The following TTC27 variants were observed in gnomAD, a reference collection of about 807,000 sequenced individuals.
TTC27 encodes the protein tetratricopeptide repeat domain 27, also known as tetratricopeptide repeat protein 27.
A neutral mutation model predicts 115.9 loss-of-function variants in TTC27; 79 were observed. The observed-to-expected ratio is 0.68, with a 90% CI of 0.57 to 0.82. The LOEUF is 0.82. Ranked by LOEUF, TTC27 falls within the 40% of genes least tolerant of loss-of-function variation. The pLI, the probability that TTC27 is intolerant of heterozygous loss-of-function variation, is 0.00. For synonymous variants in TTC27, 401 were observed against 356.0 expected, an observed-to-expected ratio of 1.13 and a Z score of -1.42; for missense variants, 1,054 against 993.1, an observed-to-expected ratio of 1.06 and a Z score of -0.82.
At chr2:32,686,872 T>C (rs191069413) in intron 9 of TTC27, among the ~76,000 whole-genome samples, 1 of 151,950 alleles carries the variant, frequency 6.6e-6, no homozygotes, top group Admixed American at 6.6e-5. Context: ...TGAGATGGAG[T>C]CTCACTCTGT....
intron 16 of TTC27, among the ~76,000 whole-genome samples, chr2:32,800,471 G>A (rs1670884572): frequency 6.6e-6 from 1 of 151,450 alleles, no homozygotes; most frequent in Non-Finnish European, 1.5e-5. Flanking sequence ...GTGAGCCACT[G>A]CACCTGATCC....
chr2:32,677,742 C>A (rs577799932), intron 8 of TTC27, among the ~76,000 whole-genome samples: 5 of 152,134 alleles, frequency 3.3e-5, no homozygotes, highest in Admixed American at 2.6e-4. Flanking sequence ...CATGAGCCAC[C>A]GTGCCCGGCC....
At chr2:32,659,188 A>G (rs1665441120) in intron 5 of TTC27, among the ~76,000 whole-genome samples, 1 of 151,354 alleles carries the variant, frequency 6.6e-6, no homozygotes, top group African/African-American at 2.4e-5. Flanking sequence ...CTTGTCTTGA[A>G]CTCCTGGCTT....
chr2:32,628,182 C>G lies in TTC27; in HGVS notation c.-111C>G, dbSNP rs2063523626. On this transcript the variant is annotated 5_prime_UTR_variant, in exon 1 of 20. Coordinates refer to ENST00000317907, the MANE Select transcript of TTC27 (RefSeq NM_017735.5). ...AGGGCCGCAGGTGTATTTACGGTAA[C>G]TGTCGCCACTAGATTTCAGCGCCTT... 2.1e-6 allele frequency: 2 copies of G among 973,012 alleles called. No homozygotes were observed. Among genetic ancestry groups the G allele is most frequent in the Non-Finnish European group, 3.2e-6 (2 of 634,626 alleles). The allele number at this position is 973,012 out of a possible 1,614,324, so 60.3% of individuals were successfully genotyped here.
At chr2:32,669,742 C>G (rs562001390) in intron 7 of TTC27, among the ~76,000 whole-genome samples, 1 of 151,582 alleles carries the variant, frequency 6.6e-6, no homozygotes, top group African/African-American at 2.4e-5. Context: ...AAAGATTATC[C>G]GGGCGTGGTG....
intron 9 of TTC27, among the ~76,000 whole-genome samples, chr2:32,695,980 G>C (rs115288822): frequency 1.1e-3 from 166 of 150,678 alleles, no homozygotes; most frequent in African/African-American, 3.8e-3. Context: ...AAAATTAGCC[G>C]GTCGTGGTGG....
rs572308758 is a variant in TTC27 at position 32,707,257 on chromosome 2, G to C, written c.1233+4337G>C. Among the ~76,000 whole-genome samples, 10 of 152,336 alleles carry C rather than the reference G, an allele frequency of 6.6e-5. No homozygotes were observed. In the South Asian group the frequency reaches 2.1e-3, roughly 32 times the overall value. ...GGGACTTGGGAAGCCCAAGAGCATG[G>C]TGTCAGGATGTGATGAGGGTCATCC... On this transcript the variant is annotated intron_variant, in intron 10 of 19. Transcript: ENST00000317907.
At chr2:32,732,960 T>C (rs537463847) in intron 10 of TTC27, among the ~76,000 whole-genome samples, 6 of 152,214 alleles carry the variant, frequency 3.9e-5, no homozygotes, top group Non-Finnish European at 8.8e-5. Context: ...GAAAAATATG[T>C]ACACTTAATG....
At chr2:32,648,848 C>CA (rs1297584320) in intron 4 of TTC27, among the ~76,000 whole-genome samples, 1 of 151,530 alleles carries the variant, frequency 6.6e-6, no homozygotes, top group African/African-American at 2.4e-5. Flanking sequence ...CCATCTCTAC[C>CA]AAAAAATACA....
chr2:32,780,224 T>G, intron 14 of TTC27: 2 of 335,490 alleles, frequency 6.0e-6, no homozygotes, highest in South Asian at 4.9e-5. Flanking sequence ...AGACCTTATA[T>G]TGAATCTGCA....
chr2:32,801,144 G>T (rs1219156807), intron 16 of TTC27, among the ~76,000 whole-genome samples: 2 of 152,194 alleles, frequency 1.3e-5, no homozygotes, highest in Non-Finnish European at 2.9e-5. Context: ...GCCCTCGGAA[G>T]AGTTTTTCTC....
chr2:32,778,651 G>C (rs1558339360), intron 14 of TTC27, among the ~76,000 whole-genome samples: 1 of 152,120 alleles, frequency 6.6e-6, no homozygotes, highest in Non-Finnish European at 1.5e-5. Flanking sequence ...ATTCATGCAT[G>C]GTTATAGCAT....
chr2:32,654,107 T>C (rs538979955), intron 5 of TTC27, among the ~76,000 whole-genome samples: 3 of 152,350 alleles, frequency 2.0e-5, no homozygotes, highest in African/African-American at 7.2e-5. Context: ...TAATCTTGTC[T>C]AGTTAAATCA....
intron 9 of TTC27, among the ~76,000 whole-genome samples, chr2:32,685,927 A>C (rs1666613143): frequency 6.6e-6 from 1 of 152,242 alleles, no homozygotes; most frequent in Non-Finnish European, 1.5e-5. Context: ...AACTACCTTT[A>C]TGCAGAGGTG....
intron 16 of TTC27, among the ~76,000 whole-genome samples, chr2:32,798,418 A>G (rs1670788087): frequency 6.9e-6 from 1 of 144,458 alleles, no homozygotes; most frequent in Admixed American, 7.0e-5. Context: ...GAAAGAAAGA[A>G]AATGGCTGGG....
chr2:32,648,153 G>A (rs1447966035), intron 4 of TTC27, among the ~76,000 whole-genome samples: 1 of 151,202 alleles, frequency 6.6e-6, no homozygotes, highest in African/African-American at 2.5e-5. Flanking sequence ...TTGAGACGGA[G>A]TTTCACTCTT....
At chr2:32,807,096 C>A (rs893796891) in intron 16 of TTC27, among the ~76,000 whole-genome samples, 1 of 152,108 alleles carries the variant, frequency 6.6e-6, no homozygotes, top group Non-Finnish European at 1.5e-5. Flanking sequence ...CCCCCAAATA[C>A]CCTCAAGGTA....
chr2:32,650,262 G>A (rs747605972), intron 5 of TTC27, 29 bp downstream of exon 5: 7 of 1,560,844 alleles, frequency 4.5e-6, no homozygotes, highest in Non-Finnish European at 5.3e-6. Context: ...TTTGATATGG[G>A]CATGTAGCTC....
At position 32,782,686 on chromosome 2, in the gene TTC27, C is replaced by T. The variant is rs1670221398; in HGVS notation, c.1832+8C>T. 6.2e-7 allele frequency: 1 copy of T among 1,603,388 alleles called. No individual in the cohort carries two copies. The highest frequency in any genetic ancestry group is 1.3e-5 in the African/African-American group (1 of 74,786). Reference sequence around the variant, plus strand: ...TATCCGATTAAAACAAAAGTAAGTACATCAGACAAATATGAAGAAATTTGC... The same window carrying T: ...TATCCGATTAAAACAAAAGTAAGTATATCAGACAAATATGAAGAAATTTGC... On this transcript the variant is annotated splice_region_variant and intron_variant, in intron 15 of 19. Transcript: ENST00000317907.
Sources: allele counts gnomAD v4.1 joint callset (sites outside exome capture counted in the v4.1 genomes callset), GRCh38; gene constraint gnomAD v4.1.1; transcripts MANE v1.5; gene names NCBI Gene and HGNC (gene_info 2026-07-23, HGNC 2026-07-21).